The following HOOK3 variants were observed in gnomAD, a reference collection of about 807,000 sequenced individuals.
HOOK3 encodes protein Hook homolog 3.
A neutral mutation model predicts 116.3 loss-of-function variants in HOOK3; 24 were observed. The observed-to-expected ratio is 0.21, with a 90% CI of 0.15 to 0.29. The LOEUF (loss-of-function observed/expected upper bound fraction) is 0.29, where lower values mean the gene tolerates loss of function less well. Among genes scored for constraint, HOOK3 ranks in the 10% least tolerant of loss-of-function variants. The pLI is 1.00. For synonymous variants in HOOK3, 275 were observed against 283.0 expected (o/e 0.97, Z 0.28); for missense variants, 632 against 830.2 (o/e 0.76, Z 2.93).
At position 43,028,749 on chromosome 8, in the gene HOOK3, CAT is replaced by C. The variant is rs1356798551; in HGVS notation, c.*10252_*10253del. ...ACATAACTAAATGGATCTATAGTAA[CAT>C]GTCTAAATTTTTTAATGGAAATAAG... On this transcript the variant is annotated 3_prime_UTR_variant, in exon 22 of 22. Transcript: ENST00000307602. 1.0e-5 allele frequency: 2 copies of C among 197,560 alleles called. No individual in the cohort carries two copies. Among genetic ancestry groups the C allele is most frequent in the Non-Finnish European group, 2.1e-5 (2 of 95,474 alleles). The allele number at this position is 197,560 out of a possible 1,614,324, so 12.2% of individuals were successfully genotyped here. A position where few individuals can be genotyped will look rare whatever the true frequency, so the allele number is the denominator to read the frequency against.
chr8:42,932,293 T>G (rs1186225541), intron 4 of HOOK3, among the ~76,000 whole-genome samples: 1 of 152,206 alleles, frequency 6.6e-6, no homozygotes, highest in Non-Finnish European at 1.5e-5. Flanking sequence ...TTACTAGATC[T>G]TTTGGGCTTA....
At chr8:42,971,397 G>T (rs1808725560) in intron 11 of HOOK3, among the ~76,000 whole-genome samples, 1 of 151,952 alleles carries the variant, frequency 6.6e-6, no homozygotes, top group South Asian at 2.1e-4. Context: ...CTCCCGAGTA[G>T]CTGGGATTAC....
chr8:42,964,599 G>C (rs1808596716), intron 9 of HOOK3, 125 bp downstream of exon 9: 4 of 772,934 alleles, frequency 5.2e-6, no homozygotes. Flanking sequence ...GGCTGAGGCG[G>C]GCTGATCACT....
intron 6 of HOOK3, among the ~76,000 whole-genome samples, chr8:42,956,450 G>C (rs1446707924): frequency 6.6e-6 from 1 of 151,572 alleles, no homozygotes; most frequent in East Asian, 1.9e-4. Flanking sequence ...TTATTACTAG[G>C]CTTGCGGTGA....
chr8:42,947,648 G>A (rs1446834208), intron 5 of HOOK3, among the ~76,000 whole-genome samples: 1 of 152,182 alleles, frequency 6.6e-6, no homozygotes, highest in Non-Finnish European at 1.5e-5. Flanking sequence ...ACATAGTAGA[G>A]TGCTAAGAAT....
intron 4 of HOOK3, among the ~76,000 whole-genome samples, chr8:42,942,838 A>G (rs371910523): frequency 2.0e-5 from 3 of 152,208 alleles, no homozygotes; most frequent in Non-Finnish European, 4.4e-5. Flanking sequence ...TCATGTGGGA[A>G]CAGTCAGTTT....
At chr8:42,907,816 C>CA (rs71550426) in intron 2 of HOOK3, among the ~76,000 whole-genome samples, 8,621 of 45,298 alleles carry the variant, frequency 0.19, 1,097 homozygotes, top group Non-Finnish European at 0.24. Flanking sequence ...AGCAACGAGG[C>CA]AAAAAAAAAA....
At chr8:42,982,209 C>G (rs577494573) in intron 13 of HOOK3, among the ~76,000 whole-genome samples, 1 of 142,190 alleles carries the variant, frequency 7.0e-6, no homozygotes, top group African/African-American at 2.7e-5. Context: ...GAGCCAAGAT[C>G]GTGCCATTGC....
intron 15 of HOOK3, among the ~76,000 whole-genome samples, chr8:42,989,455 T>A (rs1018597293): frequency 1.3e-5 from 2 of 152,088 alleles, no homozygotes; most frequent in African/African-American, 4.8e-5. Flanking sequence ...TAGATGAACT[T>A]TTTATTTTTT....
chr8:43,018,424 C>T lies in HOOK3; in HGVS notation c.2083C>T (p.Leu695=). The part of the protein sequence containing the change: ...LASTGSGQSF[L]ARQRQATSSR... ...AAGCACAGGCTCAGGGCAGTCATTTCTGGCGAGGCAGAGGCAAGCGACCAG... is the reference window on the plus strand; with the variant it reads ...AAGCACAGGCTCAGGGCAGTCATTTTTGGCGAGGCAGAGGCAAGCGACCAG... The change falls in exon 22 of 22, where the codon CTG becomes TTG. Residue 695 remains leucine, a synonymous_variant. Transcript: ENST00000307602. 1.2e-6 allele frequency: 2 copies of T among 1,613,918 alleles called. No homozygotes were observed. The highest frequency in any genetic ancestry group is 1.7e-6 in the Non-Finnish European group (2 of 1,179,968).
intron 2 of HOOK3, among the ~76,000 whole-genome samples, chr8:42,914,119 C>T (rs980836558): frequency 1.3e-5 from 2 of 152,264 alleles, no homozygotes; most frequent in East Asian, 1.9e-4. Context: ...AACTCATGGT[C>T]GTGCTCCTCC....
chr8:42,943,514 T>A, intron 5 of HOOK3, 69 bp downstream of exon 5: 2 of 1,080,918 alleles, frequency 1.9e-6, no homozygotes, highest in Non-Finnish European at 1.2e-6. Flanking sequence ...TTATATTTTA[T>A]ATATAAATCA....
chr8:42,914,327 C>T (rs766133613), intron 2 of HOOK3, among the ~76,000 whole-genome samples: 3 of 152,180 alleles, frequency 2.0e-5, no homozygotes, highest in Non-Finnish European at 4.4e-5. Flanking sequence ...CTCTCAGTTT[C>T]TTGAGCTCTT....
chr8:42,971,032 C>T (rs993273565), intron 11 of HOOK3, among the ~76,000 whole-genome samples: 1 of 152,104 alleles, frequency 6.6e-6, no homozygotes, highest in African/African-American at 2.4e-5. Flanking sequence ...AGACATCCTC[C>T]TGCCTCGGCC....
chr8:42,939,971 C>T (rs1286880073), intron 4 of HOOK3, among the ~76,000 whole-genome samples: 11 of 150,970 alleles, frequency 7.3e-5, no homozygotes, highest in Non-Finnish European at 1.2e-4. Context: ...GGATGGCGGC[C>T]GGGCAGAGAC....
intron 8 of HOOK3, 66 bp from the exon 9 acceptor site, chr8:42,964,245 A>G: frequency 6.8e-7 from 1 of 1,475,906 alleles, no homozygotes; most frequent in Non-Finnish European, 9.4e-7. Flanking sequence ...ATGGTAATTC[A>G]CAAGTGATTG....
chr8:42,942,938 G>C (rs751772444), intron 4 of HOOK3, among the ~76,000 whole-genome samples: 1 of 152,230 alleles, frequency 6.6e-6, no homozygotes, highest in African/African-American at 2.4e-5. Flanking sequence ...TGGCTAGTGA[G>C]AATCTTACTG....
At chr8:42,911,912 T>C (rs1224369795) in intron 2 of HOOK3, among the ~76,000 whole-genome samples, 1 of 152,098 alleles carries the variant, frequency 6.6e-6, no homozygotes, top group Non-Finnish European at 1.5e-5. Flanking sequence ...CAAGAGGAAA[T>C]GTGAAGTTGA....
intron 2 of HOOK3, among the ~76,000 whole-genome samples, chr8:42,910,962 T>C (rs971087960): frequency 1.8e-4 from 28 of 152,242 alleles, no homozygotes; most frequent in African/African-American, 6.3e-4. Flanking sequence ...GTAAAGGTAA[T>C]TTAAATCTAA....
Sources: allele counts gnomAD v4.1 joint callset (sites outside exome capture counted in the v4.1 genomes callset), GRCh38; gene constraint gnomAD v4.1.1; transcripts MANE v1.5; gene names NCBI Gene and HGNC (gene_info 2026-07-23, HGNC 2026-07-21).